Variants in KIAA1328 observed in about 807,000 individuals in gnomAD.
The protein encoded by KIAA1328 is KIAA1328.
A neutral mutation model predicts 68.1 loss-of-function variants in KIAA1328; 52 were observed. The observed-to-expected ratio is 0.76, with a 90% CI of 0.61 to 0.96. The LOEUF (loss-of-function observed/expected upper bound fraction) is 0.96, where lower values mean the gene tolerates loss of function less well. KIAA1328 is among the 40% of genes least tolerant of loss of function. The pLI is 0.00. For synonymous variants in KIAA1328, 232 were observed against 239.4 expected, an observed-to-expected ratio of 0.97 and a Z score of 0.28; for missense variants, 641 against 677.6, an observed-to-expected ratio of 0.95 and a Z score of 0.60.
At chr18:37,111,052 A>G (rs1486719967) in intron 7 of KIAA1328, among the ~76,000 whole-genome samples, 1 of 152,168 alleles carries the variant, frequency 6.6e-6, no homozygotes, top group African/African-American at 2.4e-5. Context: ...ATTTGATGGA[A>G]AGACTTTCTT....
rs528797156 is a variant in KIAA1328 at position 37,108,763 on chromosome 18, TTTTTG to T, written c.1232+41238_1232+41242del. On this transcript the variant is annotated intron_variant, in intron 7 of 9. Coordinates refer to ENST00000280020, the MANE Select transcript of KIAA1328 (RefSeq NM_020776.3). ...TTACCCTTGCCACAGACACTGGTGT[TTTTTG>T]TTTTGTTTTGTTTTGTTTTTATTAT... is the stretch of plus-strand genomic sequence containing the variant. Among the ~76,000 whole-genome samples the T allele has an allele frequency of 2.5e-3, 373 of 152,224 alleles. 2 individuals are homozygous for T. Among genetic ancestry groups the T allele is most frequent in the African/African-American group, 8.6e-3 (356 of 41,538 alleles).
At chr18:37,157,413 ATATTTT>A (rs1409947678) in intron 7 of KIAA1328, among the ~76,000 whole-genome samples, 1 of 152,126 alleles carries the variant, frequency 6.6e-6, no homozygotes, top group Non-Finnish European at 1.5e-5. Flanking sequence ...ATATTTTTGT[ATATTTT>A]TATTTTTATA....
At chr18:36,850,733 C>G (rs546738155) in intron 4 of KIAA1328, among the ~76,000 whole-genome samples, 2 of 152,222 alleles carry the variant, frequency 1.3e-5, no homozygotes, top group South Asian at 4.1e-4. Context: ...AACGCCTATA[C>G]AGTGTGGATA....
chr18:36,915,908 G>A (rs1242129814), intron 5 of KIAA1328, among the ~76,000 whole-genome samples: 3 of 152,112 alleles, frequency 2.0e-5, no homozygotes, highest in African/African-American at 7.2e-5. Flanking sequence ...ATGCATAATT[G>A]CCAACAATGA....
intron 4 of KIAA1328, among the ~76,000 whole-genome samples, chr18:36,855,569 T>G (rs915952597): frequency 1.3e-5 from 2 of 152,064 alleles, no homozygotes; most frequent in African/African-American, 4.8e-5. Context: ...ATTATATGAC[T>G]TACAGATATT....
At chr18:36,979,164 A>C (rs967917704) in intron 6 of KIAA1328, among the ~76,000 whole-genome samples, 7 of 150,076 alleles carry the variant, frequency 4.7e-5, no homozygotes, top group African/African-American at 1.7e-4. Flanking sequence ...CCTATCTCTA[A>C]AAATAATAAA....
At chr18:37,040,931 T>C (rs1010811746) in intron 6 of KIAA1328, among the ~76,000 whole-genome samples, 1 of 151,776 alleles carries the variant, frequency 6.6e-6, no homozygotes, top group Non-Finnish European at 1.5e-5. Flanking sequence ...TCAATTCTTT[T>C]AAATTTGTAA....
chr18:36,885,632 G>A lies in KIAA1328; in HGVS notation c.408G>A (p.Gln136=), dbSNP rs2048471714. The A allele has an allele frequency of 6.2e-7, 1 of 1,600,150 alleles. No individual in the cohort carries two copies. Among genetic ancestry groups the A allele is most frequent in the South Asian group, 1.1e-5 (1 of 87,918 alleles). ...AGTCATTTGAGAAGAAGATCAGGCA[G>A]TTGGAAGAACAGAATGAACTGATCA... ...EQESFEKKIR[Q]LEEQNELIIK... The change falls in exon 5 of 10, where the codon CAG becomes CAA. Residue 136 remains glutamine, a synonymous_variant. Transcript: ENST00000280020.
At chr18:36,961,217 T>C (rs999573257) in intron 6 of KIAA1328, among the ~76,000 whole-genome samples, 2 of 152,130 alleles carry the variant, frequency 1.3e-5, no homozygotes, top group African/African-American at 4.8e-5. Flanking sequence ...AGGATATCAG[T>C]GATTGAAGAT....
intron 6 of KIAA1328, among the ~76,000 whole-genome samples, chr18:37,003,221 C>T (rs1418010640): frequency 6.6e-6 from 1 of 151,964 alleles, no homozygotes. Context: ...AAATTTAAAA[C>T]CCAAAATAAA....
intron 7 of KIAA1328, among the ~76,000 whole-genome samples, chr18:37,104,778 C>A (rs776306018): frequency 2.0e-5 from 3 of 151,836 alleles, no homozygotes; most frequent in Non-Finnish European, 2.9e-5. Context: ...TAATATGTAA[C>A]AATAAAAAAT....
intron 6 of KIAA1328, among the ~76,000 whole-genome samples, chr18:37,039,760 A>G (rs1381035394): frequency 6.6e-6 from 1 of 152,094 alleles, no homozygotes; most frequent in Non-Finnish European, 1.5e-5. Flanking sequence ...CAGCTTTTTC[A>G]TTATATTATC....
intron 7 of KIAA1328, among the ~76,000 whole-genome samples, chr18:37,088,750 A>C (rs2057179767): frequency 6.6e-6 from 1 of 151,996 alleles, no homozygotes; most frequent in Non-Finnish European, 1.5e-5. Flanking sequence ...TTATTTATTC[A>C]TGAGTATGTA....
Position 36,844,191 on chromosome 18 carries a change from A to C in KIAA1328, c.238-17A>C, listed in dbSNP as rs1358737626. 9.9e-6 allele frequency: 15 copies of C among 1,512,538 alleles called. No individual in the cohort carries two copies. Among genetic ancestry groups the C allele is most frequent in the Non-Finnish European group, 1.3e-5 (15 of 1,112,836 alleles). The allele number at this position is 1,512,538 out of a possible 1,614,324, so 93.7% of individuals were successfully genotyped here. On this transcript the variant is annotated splice_polypyrimidine_tract_variant and intron_variant, in intron 3 of 9. Coordinates refer to ENST00000280020, the MANE Select transcript of KIAA1328 (RefSeq NM_020776.3). The stretch of plus-strand genomic sequence containing the variant: ...ATTGGTTTTAGAAAAAGTGTAACTA[A>C]ATTTTTTTTTTTTAAGAATTCCTGC...
At chr18:36,900,576 G>A (rs891797778) in intron 5 of KIAA1328, among the ~76,000 whole-genome samples, 6 of 151,874 alleles carry the variant, frequency 4.0e-5, no homozygotes, top group African/African-American at 1.4e-4. Context: ...TTCAGCATTA[G>A]TTTTAATAGT....
Position 36,888,571 on chromosome 18 carries a change from T to C in KIAA1328, c.448+2899T>C, listed in dbSNP as rs191656163. ...TTTGGTTGGTAAAACTGGTTTAAGT[T>C]TTTTTTAATCACCAAAATATAGGTA... On this transcript the variant is annotated intron_variant, in intron 5 of 9. Transcript: ENST00000280020. Among the ~76,000 whole-genome samples the C allele has an allele frequency of 4.4e-3, 677 of 152,228 alleles. 6 individuals are homozygous for C. Among genetic ancestry groups the C allele is most frequent in the African/African-American group, 0.016 (653 of 41,554 alleles).
intron 7 of KIAA1328, among the ~76,000 whole-genome samples, chr18:37,146,505 CA>C (rs2058905908): frequency 6.6e-6 from 1 of 152,088 alleles, no homozygotes; most frequent in Non-Finnish European, 1.5e-5. Context: ...AGGTTGATTC[CA>C]TGTGTTTGCT....
At chr18:36,995,435 C>G (rs2053351983) in intron 6 of KIAA1328, among the ~76,000 whole-genome samples, 1 of 152,020 alleles carries the variant, frequency 6.6e-6, no homozygotes, top group Non-Finnish European at 1.5e-5. Flanking sequence ...CATCATTCAC[C>G]CACTTTCTAA....
chr18:36,904,504 G>A (rs141295406), intron 5 of KIAA1328, among the ~76,000 whole-genome samples: 78 of 151,976 alleles, frequency 5.1e-4, no homozygotes, highest in Non-Finnish European at 8.8e-4. Context: ...AATATTCTTT[G>A]CCCTAAAATC....
Sources: gnomAD v4.1 joint callset for allele counts (sites outside exome capture counted in the v4.1 genomes callset) on GRCh38, gnomAD v4.1.1 for gene constraint, MANE v1.5 for transcripts, NCBI Gene and HGNC (gene_info 2026-07-23, HGNC 2026-07-21) for gene names.